The following ZNF469 variants were observed in gnomAD, a reference collection of about 807,000 sequenced individuals.
ZNF469 encodes zinc finger protein 469.
In ZNF469, 1 loss-of-function variant was observed where a neutral mutation model predicts 1.0. That is an observed-to-expected ratio of 1.00 (90% confidence interval 0.35 to 4.73). The LOEUF (loss-of-function observed/expected upper bound fraction) is 4.73, where lower values mean the gene tolerates loss of function less well. ZNF469 is among the 30% of genes most tolerant of loss of function. The pLI is 0.16. For missense variants in ZNF469, 6,100 were observed against 5,356.3 expected (o/e 1.14, Z -4.33); for synonymous variants, 2,703 against 2,363.4 (o/e 1.14, Z -4.17).
At chr16:88,158,082 A>G in the ZNF469 span, among the ~76,000 whole-genome samples, 30 of 152,094 alleles carry the variant, frequency 2.0e-4, no homozygotes, top group African/African-American at 6.8e-4. Flanking sequence ...CGCCACCCCC[A>G]GGGGATGCCT....
At chr16:88,307,446 C>G in the ZNF469 span, among the ~76,000 whole-genome samples, 2 of 152,248 alleles carry the variant, frequency 1.3e-5, no homozygotes, top group Non-Finnish European at 2.9e-5. Flanking sequence ...GTTGCCACAT[C>G]TTACATTCCC....
the ZNF469 span, among the ~76,000 whole-genome samples, chr16:88,326,088 A>G: frequency 6.6e-6 from 1 of 152,330 alleles, no homozygotes; most frequent in African/African-American, 2.4e-5. Flanking sequence ...GGCCACAGAC[A>G]TGTCCTGGTC....
At chr16:88,131,862 C>G in the ZNF469 span, among the ~76,000 whole-genome samples, 1 of 152,198 alleles carries the variant, frequency 6.6e-6, no homozygotes, top group African/African-American at 2.4e-5. Context: ...GGGAATTCCC[C>G]TCCTGGTGGG....
At chr16:88,120,924 A>C in the ZNF469 span, among the ~76,000 whole-genome samples, 223 of 152,262 alleles carry the variant, frequency 1.5e-3, no homozygotes, top group African/African-American at 5.1e-3. Flanking sequence ...CTTGGTCCTC[A>C]GCCATGCGGC....
the ZNF469 span, among the ~76,000 whole-genome samples, chr16:88,372,388 A>C: frequency 6.7e-6 from 1 of 149,554 alleles, no homozygotes; most frequent in African/African-American, 2.5e-5. Flanking sequence ...CATCATCATC[A>C]CCATCACTAC....
chr16:88,435,484 G>A lies in ZNF469; in HGVS notation c.8014G>A (p.Ala2672Thr), dbSNP rs1302533609. The A allele has an allele frequency of 9.0e-6, 14 of 1,549,030 alleles. No homozygotes were observed. The highest frequency in any genetic ancestry group is 5.9e-5 in the South Asian group (5 of 84,062). The change falls in exon 3 of 3, where the codon GCA (alanine) becomes ACA (threonine). Residue 2672 changes from alanine to threonine, a missense_variant. Transcript: ENST00000565624. ...ACCATCCCCTGCAATGGCCAGTTAC[G>A]CAGCCTCTCCGAGCCACTGCCTCTC... is the stretch of plus-strand genomic sequence containing the variant. ...SRPSPAMASY[A>T]ASPSHCLSVE... is the part of the protein sequence containing the mutation.
chr16:88,367,568 G>C, the ZNF469 span, among the ~76,000 whole-genome samples: 1 of 152,230 alleles, frequency 6.6e-6, no homozygotes, highest in Non-Finnish European at 1.5e-5. Context: ...CCCAGCGCCT[G>C]TGATGAACTG....
At chr16:88,256,414 C>T in the ZNF469 span, among the ~76,000 whole-genome samples, 2 of 152,240 alleles carry the variant, frequency 1.3e-5, no homozygotes, top group Non-Finnish European at 2.9e-5. Flanking sequence ...AATAATGCTC[C>T]ACTGTCTGGA....
chr16:88,400,389 G>A (rs1904820150), intron 1 of ZNF469, among the ~76,000 whole-genome samples: 1 of 152,198 alleles, frequency 6.6e-6, no homozygotes, highest in South Asian at 2.1e-4. Flanking sequence ...TTCCAGATGG[G>A]GAGACTGAGG....
the ZNF469 span, among the ~76,000 whole-genome samples, chr16:88,133,763 C>G: frequency 6.6e-6 from 1 of 152,076 alleles, no homozygotes; most frequent in Admixed American, 6.6e-5. Context: ...ATTGGAAATA[C>G]CTCGACCTGG....
rs1244155958 is a variant in ZNF469, at chr16:88,434,103, T to C, written c.6633T>C (p.Ala2211=). Residue 2211 remains alanine (A), a synonymous_variant, in exon 3 of 3, where the codon GCT becomes GCC. Transcript: ENST00000565624. ...TSPCDPKEAL[A]GCLLQGEGSP... ...CCTGCGATCCCAAGGAAGCCCTGGC[T>C]GGTTGCCTTCTCCAGGGGGAGGGCA... 3 of 1,550,286 alleles carry C rather than the reference T, an allele frequency of 1.9e-6. No homozygotes were observed. Among genetic ancestry groups the C allele is most frequent in the Non-Finnish European group, 2.6e-6 (3 of 1,146,958 alleles).
chr16:88,232,707 G>C, the ZNF469 span, among the ~76,000 whole-genome samples: 1 of 152,234 alleles, frequency 6.6e-6, no homozygotes, highest in Non-Finnish European at 1.5e-5. Context: ...GCTTCTGCTG[G>C]CCCTGAGAAC....
the ZNF469 span, among the ~76,000 whole-genome samples, chr16:88,332,866 C>T: frequency 6.6e-6 from 1 of 152,212 alleles, no homozygotes; most frequent in African/African-American, 2.4e-5. Flanking sequence ...GACCAAGGCC[C>T]CGGGTTGCCC....
chr16:88,384,303 C>G (rs567854539), intron 1 of ZNF469, among the ~76,000 whole-genome samples: 2 of 152,344 alleles, frequency 1.3e-5, no homozygotes, highest in South Asian at 4.1e-4. Flanking sequence ...TCCCTTCTGC[C>G]GGTCGGGTGG....
At chr16:88,117,893 C>T in the ZNF469 span, among the ~76,000 whole-genome samples, 4 of 152,200 alleles carry the variant, frequency 2.6e-5, no homozygotes, top group South Asian at 2.1e-4. Context: ...ACACTGCGCC[C>T]GTCAGCAGAG....
the ZNF469 span, among the ~76,000 whole-genome samples, chr16:88,129,550 A>C: frequency 6.6e-6 from 1 of 152,220 alleles, no homozygotes; most frequent in Non-Finnish European, 1.5e-5. Context: ...GGTGATAAAT[A>C]TATTTTTGTT....
chr16:88,227,200 C>T, the ZNF469 span, among the ~76,000 whole-genome samples: 1 of 152,186 alleles, frequency 6.6e-6, no homozygotes, highest in Non-Finnish European at 1.5e-5. Context: ...TTTGAAAGCC[C>T]CTTGCCCGTC....
In ZNF469 at chr16:88,433,872, C is replaced by G; in HGVS notation, c.6402C>G (p.Asp2134Glu). ...PCSLGPLPRE[D>E]PLTSPSRAQG... The stretch of plus-strand genomic sequence containing the variant: ...GCCTTGGGCCCCTGCCCCGTGAAGA[C>G]CCACTTACCTCGCCTTCCAGGGCCC... Residue 2134 changes from aspartate to glutamate, a missense_variant, in exon 3 of 3, where the codon GAC (aspartate) becomes GAG (glutamate). Transcript: ENST00000565624. 6.5e-7 allele frequency: 1 copy of G among 1,548,842 alleles called. No individual in the cohort carries two copies. The highest frequency in any genetic ancestry group is 8.7e-7 in the Non-Finnish European group (1 of 1,145,968).
At chr16:88,373,707 G>C in the ZNF469 span, among the ~76,000 whole-genome samples, 3 of 152,132 alleles carry the variant, frequency 2.0e-5, no homozygotes, top group African/African-American at 7.2e-5. Flanking sequence ...TTGGAAGAGA[G>C]AAGAAACGGC....
Sources: allele counts gnomAD v4.1 joint callset (sites outside exome capture counted in the v4.1 genomes callset), GRCh38; gene constraint gnomAD v4.1.1; transcripts MANE v1.5; gene names NCBI Gene and HGNC (gene_info 2026-07-23, HGNC 2026-07-21).